Variants in CSNK1D observed in about 807,000 individuals in gnomAD.
CSNK1D encodes the protein casein kinase I isoform delta.
Under a neutral mutation model 46.6 loss-of-function variants are expected in CSNK1D, and 16 were observed. The observed-to-expected ratio is 0.34, with a 90% confidence interval of 0.23 to 0.52. The LOEUF (loss-of-function observed/expected upper bound fraction) is 0.52, where lower values mean the gene tolerates loss of function less well. Among genes scored for constraint, CSNK1D ranks in the 20% least tolerant of loss-of-function variants. The pLI is 0.95. For synonymous variants in CSNK1D, 276 were observed against 228.2 expected (o/e 1.21, Z -1.89); for missense variants, 398 against 578.4 (o/e 0.69, Z 3.20).
intron 1 of CSNK1D, among the ~76,000 whole-genome samples, chr17:82,267,188 T>C (rs138305957): frequency 6.6e-6 from 1 of 152,150 alleles, no homozygotes; most frequent in East Asian, 1.9e-4. Flanking sequence ...GAGACTGTGG[T>C]GCTGGGCAAA....
chr17:82,267,290 G>T (rs757954081), intron 1 of CSNK1D, among the ~76,000 whole-genome samples: 2 of 152,170 alleles, frequency 1.3e-5, no homozygotes, highest in African/African-American at 4.8e-5. Context: ...TTGTGGAGAT[G>T]AATGGGTTAA....
chr17:82,267,645 G>T (rs114320911), intron 1 of CSNK1D, among the ~76,000 whole-genome samples: 1 of 152,198 alleles, frequency 6.6e-6, no homozygotes, highest in East Asian at 1.9e-4. Flanking sequence ...CAAGAGAAAT[G>T]ACTTCATCGA....
Position 82,273,273 on chromosome 17 carries a change from T to C in CSNK1D, c.76+33A>G. The C allele has an allele frequency of 6.4e-7, 1 of 1,571,362 alleles. No homozygotes were observed. The highest frequency in any genetic ancestry group is 2.3e-5 in the East Asian group (1 of 44,332). On this transcript the variant is annotated intron_variant, in intron 1 of 8. Transcript: ENST00000314028. The surrounding 1 kb of genome is among the most constrained non-coding windows in gnomAD (Gnocchi z 5.1). ...TCTTGGCAGCCGCAGGGCCCGGGTCTTCGGGCGGCGGGCGGGGGCGGCGGG... is the reference window on the plus strand; with the variant it reads ...TCTTGGCAGCCGCAGGGCCCGGGTCCTCGGGCGGCGGGCGGGGGCGGCGGG...
intron 1 of CSNK1D, chr17:82,267,170 T>G (rs893414427): frequency 6.6e-6 from 1 of 152,126 alleles, no homozygotes; most frequent in African/African-American, 2.4e-5. Flanking sequence ...GGAGACTTCC[T>G]TCCCTGAGAG....
chr17:82,245,547 C>T, intron 8 of CSNK1D: 1 of 266,986 alleles, frequency 3.7e-6, no homozygotes, highest in Non-Finnish European at 7.4e-6. Flanking sequence ...GCTTAGGAGC[C>T]CCCAACACCA....
intron 3 of CSNK1D, chr17:82,254,223 G>A (rs572449405): frequency 5.7e-4 from 155 of 273,622 alleles, no homozygotes; most frequent in African/African-American, 4.2e-3. Context: ...CTGAGCCGCC[G>A]GAGCCTCGAG....
intron 1 of CSNK1D, among the ~76,000 whole-genome samples, chr17:82,272,911 C>T (rs1303307122): frequency 1.4e-5 from 2 of 147,946 alleles, no homozygotes; most frequent in East Asian, 4.0e-4. Context: ...CTGCCCCCAC[C>T]CCCGCCCTGC....
chr17:82,243,389 A>G lies in CSNK1D; in HGVS notation c.*1392T>C, dbSNP rs1483523279. The G allele has an allele frequency of 1.0e-6, 1 of 985,534 alleles. No homozygotes were observed. Among genetic ancestry groups the G allele is most frequent in the Non-Finnish European group, 1.2e-6 (1 of 829,992 alleles). The allele number at this position is 985,534 out of a possible 1,614,324, so 61.0% of individuals were successfully genotyped here. On this transcript the variant is annotated 3_prime_UTR_variant, in exon 9 of 9. Transcript: ENST00000314028. ...GCATTGGGGTTGGGAGCACATGGCC[A>G]CTGGCTACCGCCCAAGTGCTGCGGA... is the stretch of plus-strand genomic sequence containing the variant.
intron 1 of CSNK1D, chr17:82,267,054 C>G (rs528297928): frequency 1.5e-4 from 19 of 128,610 alleles, no homozygotes; most frequent in Non-Finnish European, 2.9e-4. Flanking sequence ...AGCGAGACAC[C>G]GTCTCAAAAA....
intron 1 of CSNK1D, among the ~76,000 whole-genome samples, chr17:82,266,428 C>T (rs2051470108): frequency 6.6e-6 from 1 of 152,232 alleles, no homozygotes. Flanking sequence ...TACCACCTAC[C>T]AACACGCACC....
At chr17:82,245,056 G>A (rs1450406084) in intron 8 of CSNK1D, 19 of 637,072 alleles carry the variant, frequency 3.0e-5, no homozygotes, top group East Asian at 2.5e-4. Flanking sequence ...ATGCAAGCAA[G>A]GTGCCCGCGG....
chr17:82,239,477 G>A (rs370020643), downstream of CSNK1D: 21 of 168,886 alleles, frequency 1.2e-4, no homozygotes, highest in East Asian at 2.5e-3. Context: ...TGGAGTGTTA[G>A]GACCAACGGT....
At chr17:82,265,503 G>A (rs1379547943) in intron 2 of CSNK1D, 183 bp downstream of exon 2, 2 of 638,500 alleles carry the variant, frequency 3.1e-6, no homozygotes, top group South Asian at 1.6e-5. Context: ...TTGTGTTGAG[G>A]GAGGGTCTCT....
At chr17:82,246,772 G>A (rs1373524711) in intron 8 of CSNK1D, 27 of 991,128 alleles carry the variant, frequency 2.7e-5, no homozygotes, top group South Asian at 1.8e-4. Flanking sequence ...TCCACAGGGC[G>A]CAAGGTCTCC....
downstream of CSNK1D, chr17:82,239,163 GTGGAT>G: frequency 1.8e-6 from 1 of 570,426 alleles, no homozygotes; most frequent in Non-Finnish European, 2.9e-6. Context: ...TCATTCCAGA[GTGGAT>G]CTGCGGTGAA....
chr17:82,249,349 G>T lies in CSNK1D; in HGVS notation c.1057+82C>A. On this transcript the variant is annotated intron_variant, in intron 7 of 8. Transcript: ENST00000314028. This position sits in a 1 kb window ranked among gnomAD's most constrained non-coding sequence, Gnocchi z 6.7. ...CAGGGCACTTAGTGTCCACCACCAA[G>T]TACCCTGTTGTCCCCACCAACCCCA... is the stretch of plus-strand genomic sequence containing the variant. 3 of 1,370,646 alleles carry T rather than the reference G, an allele frequency of 2.2e-6. No homozygotes were observed. The highest frequency in any genetic ancestry group is 3.0e-6 in the Non-Finnish European group (3 of 997,420). The allele number at this position is 1,370,646 out of a possible 1,614,324, so 84.9% of individuals were successfully genotyped here.
In CSNK1D at chr17:82,249,682, G is replaced by A. The variant is rs2050949930; in HGVS notation, c.886-80C>T. On this transcript the variant is annotated intron_variant, in intron 6 of 8. Coordinates refer to ENST00000314028, the MANE Select transcript of CSNK1D (RefSeq NM_001893.6). The surrounding 1 kb of genome is among the most constrained non-coding windows in gnomAD (Gnocchi z 6.7). ...CTAGGTCCTAGGCTGCCCCGGCCAC[G>A]TGAGAAAATACCTACCAAAGGGCAC... is the stretch of plus-strand genomic sequence containing the variant. 8 of 1,533,280 alleles carry A rather than the reference G, an allele frequency of 5.2e-6. No individual in the cohort carries two copies. In the African/African-American group the frequency reaches 6.8e-5, roughly 13 times the overall value. The allele number at this position is 1,533,280 out of a possible 1,614,324, so 95.0% of individuals were successfully genotyped here.
At chr17:82,241,144 G>A (rs1291255017), downstream of CSNK1D, among the ~76,000 whole-genome samples, 4 of 152,184 alleles carry the variant, frequency 2.6e-5, no homozygotes, top group African/African-American at 4.8e-5. Flanking sequence ...GGCAGAGGGC[G>A]CACAGACTTC....
chr17:82,248,079 T>C lies in CSNK1D; in HGVS notation c.1197+796A>G. 2 of 985,466 alleles carry C rather than the reference T, an allele frequency of 2.0e-6. No homozygotes were observed. The highest frequency in any genetic ancestry group is 2.4e-6 in the Non-Finnish European group (2 of 829,962). The allele number at this position is 985,466 out of a possible 1,614,324, so 61.0% of individuals were successfully genotyped here. On this transcript the variant is annotated intron_variant, in intron 8 of 8. Transcript: ENST00000314028. The surrounding 1 kb of genome is among the most constrained non-coding windows in gnomAD (Gnocchi z 4.1). Reference sequence around the variant, plus strand: ...CCAGGGCATTTCTGAACTGAGTTCCTGCTCATCCGGAAGACCCGTGGGGGA... The same window carrying C: ...CCAGGGCATTTCTGAACTGAGTTCCCGCTCATCCGGAAGACCCGTGGGGGA...
Sources: gnomAD v4.1 joint callset for allele counts (sites outside exome capture counted in the v4.1 genomes callset) on GRCh38, gnomAD v4.1.1 for gene constraint, Gnocchi (gnomAD v3.1) non-coding constraint, MANE v1.5 for transcripts, NCBI Gene and HGNC (gene_info 2026-07-23, HGNC 2026-07-21) for gene names.